Variants in ZFAT observed in about 807,000 individuals in gnomAD.
ZFAT encodes zinc finger protein ZFAT.
A neutral mutation model predicts 117.7 loss-of-function variants in ZFAT; 64 were observed. The ratio of observed to expected loss-of-function variants is 0.54; its 90% CI spans 0.44 to 0.67. The LOEUF is 0.67. Among genes scored for constraint, ZFAT ranks in the 30% least tolerant of loss-of-function variants. The probability of loss-of-function intolerance (pLI) is 0.00; values close to 1 mark genes in which losing one functional copy is unlikely to be tolerated. For synonymous variants in ZFAT, 679 were observed against 615.0 expected, an observed-to-expected ratio of 1.10 and a Z score of -1.54; for missense variants, 1,433 against 1,584.5, an observed-to-expected ratio of 0.90 and a Z score of 1.62.
At chr8:134,584,484 C>T (rs1825926669) in intron 9 of ZFAT, among the ~76,000 whole-genome samples, 1 of 152,228 alleles carries the variant, frequency 6.6e-6, no homozygotes, top group South Asian at 2.1e-4. Context: ...CACAAAGGCA[C>T]CAAGGCCCTT....
At chr8:134,668,436 G>C (rs1031631696) in intron 1 of ZFAT, among the ~76,000 whole-genome samples, 4 of 152,250 alleles carry the variant, frequency 2.6e-5, no homozygotes, top group African/African-American at 9.6e-5. Context: ...AGCAACATTT[G>C]CCATTCACCA....
intron 10 of ZFAT, chr8:134,565,772 G>A (rs961893941): frequency 5.4e-5 from 19 of 351,956 alleles, no homozygotes; most frequent in African/African-American, 3.9e-4. Context: ...AGACTGCAGG[G>A]GAATGGACCA....
intron 7 of ZFAT, chr8:134,599,213 A>G (rs1351413918): frequency 1.3e-5 from 2 of 152,442 alleles, no homozygotes; most frequent in Non-Finnish European, 2.9e-5. Flanking sequence ...ATGTGTAATG[A>G]GAAGTGCCAA....
chr8:134,511,980 G>A (rs1415225263), intron 14 of ZFAT, among the ~76,000 whole-genome samples: 1 of 152,168 alleles, frequency 6.6e-6, no homozygotes, highest in Non-Finnish European at 1.5e-5. Flanking sequence ...CTGCCTGCCT[G>A]GCCCCTGTAG....
At chr8:134,633,141 G>A (rs913743369) in intron 3 of ZFAT, among the ~76,000 whole-genome samples, 1 of 152,080 alleles carries the variant, frequency 6.6e-6, no homozygotes, top group Non-Finnish European at 1.5e-5. Context: ...TGCTACAAAG[G>A]AAACTAAAAG....
the ZFAT span, among the ~76,000 whole-genome samples, chr8:134,736,694 C>T: frequency 3.1e-4 from 47 of 152,226 alleles, no homozygotes; most frequent in South Asian, 1.5e-3. Context: ...CTCTCAGGCT[C>T]AAGTGATCCT....
At chr8:134,636,020 C>A (rs1830190449) in intron 3 of ZFAT, among the ~76,000 whole-genome samples, 2 of 152,150 alleles carry the variant, frequency 1.3e-5, no homozygotes, top group Admixed American at 6.5e-5. Context: ...CTTGAGAGTT[C>A]TTTATGAGAG....
At chr8:134,614,471 C>G (rs1287178771) in intron 3 of ZFAT, among the ~76,000 whole-genome samples, 2 of 152,220 alleles carry the variant, frequency 1.3e-5, no homozygotes, top group African/African-American at 4.8e-5. Context: ...TTCTTACCTC[C>G]TCCATTCTCC....
At chr8:134,752,746 C>A in the ZFAT span, among the ~76,000 whole-genome samples, 1 of 152,108 alleles carries the variant, frequency 6.6e-6, no homozygotes, top group Non-Finnish European at 1.5e-5. Flanking sequence ...CTTTATGCAG[C>A]ACGCTCACAT....
At chr8:134,718,499 G>T in the ZFAT span, among the ~76,000 whole-genome samples, 2 of 149,214 alleles carry the variant, frequency 1.3e-5, no homozygotes, top group Non-Finnish European at 2.9e-5. Context: ...CTGTCTCAAA[G>T]AAAAAAAATA....
Position 134,614,823 on chromosome 8 carries a change from T to C in ZFAT, c.449-4168A>G, listed in dbSNP as rs141790546. On this transcript the variant is annotated intron_variant, in intron 3 of 15. Transcript: ENST00000377838. ...GTTTTCCAGGAAGTCACAGATACCATTGGAAATGCTATGGAAAAGACTCTG... is the reference window on the plus strand; with the variant it reads ...GTTTTCCAGGAAGTCACAGATACCACTGGAAATGCTATGGAAAAGACTCTG... 3.1e-3 allele frequency among the ~76,000 whole-genome samples: 470 copies of C among 152,124 alleles called. 2 individuals carry two copies. Among genetic ancestry groups the C allele is most frequent in the African/African-American group, 0.011 (457 of 41,494 alleles).
chr8:134,724,710 G>T, the ZFAT span, among the ~76,000 whole-genome samples: 1 of 151,966 alleles, frequency 6.6e-6, no homozygotes, highest in South Asian at 2.1e-4. Flanking sequence ...TATCAGTTAC[G>T]TTACCTGCCA....
At chr8:134,531,387 TC>T (rs1821389312) in intron 12 of ZFAT, among the ~76,000 whole-genome samples, 1 of 152,216 alleles carries the variant, frequency 6.6e-6, no homozygotes, top group Non-Finnish European at 1.5e-5. Context: ...CCTCTGTGAT[TC>T]CTGGACATGG....
chr8:134,511,845 TG>T (rs1819870411), intron 14 of ZFAT, among the ~76,000 whole-genome samples: 1 of 152,206 alleles, frequency 6.6e-6, no homozygotes, highest in Admixed American at 6.5e-5. Context: ...AAATCCTGAC[TG>T]GGCCTTTTGG....
chr8:134,724,897 T>C, the ZFAT span, among the ~76,000 whole-genome samples: 1 of 152,180 alleles, frequency 6.6e-6, no homozygotes, highest in African/African-American at 2.4e-5. Context: ...CAAGCAGTTC[T>C]CACCCATGGA....
At chr8:134,712,690 C>T (rs1814055174) in intron 1 of ZFAT, among the ~76,000 whole-genome samples, 155 bp downstream of exon 1, 1 of 146,318 alleles carries the variant, frequency 6.8e-6, no homozygotes, top group African/African-American at 2.6e-5. Flanking sequence ...CAACTACGTT[C>T]GCTCTCCTCC....
intron 12 of ZFAT, among the ~76,000 whole-genome samples, chr8:134,529,535 G>C (rs933007876): frequency 2.0e-5 from 3 of 152,166 alleles, no homozygotes; most frequent in Non-Finnish European, 2.9e-5. Flanking sequence ...ATATAAGCCA[G>C]GAGTATAATA....
chr8:134,510,417 CCACCT>C (rs1819738152), intron 14 of ZFAT, among the ~76,000 whole-genome samples: 1 of 152,176 alleles, frequency 6.6e-6, no homozygotes, highest in Non-Finnish European at 1.5e-5. Context: ...TGCTTGATCT[CCACCT>C]CAGCATGATA....
chr8:134,681,245 G>A (rs546324290), intron 1 of ZFAT, among the ~76,000 whole-genome samples: 3 of 152,264 alleles, frequency 2.0e-5, no homozygotes, highest in African/African-American at 7.2e-5. Flanking sequence ...ATACCAGCTG[G>A]TGGGGAGGTT....
Sources: allele counts gnomAD v4.1 joint callset (sites outside exome capture counted in the v4.1 genomes callset), GRCh38; gene constraint gnomAD v4.1.1; transcripts MANE v1.5; gene names NCBI Gene and HGNC (gene_info 2026-07-23, HGNC 2026-07-21).